TSHR: variants seen among roughly 807,000 people sequenced by gnomAD.
TSHR encodes thyrotropin receptor.
Under a neutral mutation model 64.1 loss-of-function variants are expected in TSHR, and 51 were observed. The ratio of observed to expected loss-of-function variants is 0.80; its 90% CI spans 0.64 to 1.01. The LOEUF (loss-of-function observed/expected upper bound fraction) is 1.01, where lower values mean the gene tolerates loss of function less well. Among genes scored for constraint, TSHR ranks in the 50% least tolerant of loss-of-function variants. The pLI is 0.00. For missense variants in TSHR, 877 were observed against 942.8 expected, an observed-to-expected ratio of 0.93 and a Z score of 0.91; for synonymous variants, 361 against 361.9, an observed-to-expected ratio of 1.00 and a Z score of 0.03.
At chr14:81,107,547 A>G (rs2140027926) in intron 7 of TSHR, among the ~76,000 whole-genome samples, 1 of 152,354 alleles carries the variant, frequency 6.6e-6, no homozygotes, top group South Asian at 2.1e-4. Flanking sequence ...TTTTATTTCA[A>G]AATCACTTTG....
chr14:80,998,441 G>C (rs1257039426), intron 1 of TSHR, among the ~76,000 whole-genome samples: 1 of 151,976 alleles, frequency 6.6e-6, no homozygotes. Flanking sequence ...TGTTTGGTGG[G>C]TGTTACAAAG....
chr14:81,098,981 C>G (rs968517299), intron 7 of TSHR, among the ~76,000 whole-genome samples: 1 of 152,134 alleles, frequency 6.6e-6, no homozygotes, highest in Non-Finnish European at 1.5e-5. Flanking sequence ...AGATATGACC[C>G]TCAGACACTA....
intron 1 of TSHR, among the ~76,000 whole-genome samples, chr14:81,056,875 A>G (rs370214851): frequency 3.0e-4 from 45 of 152,322 alleles, no homozygotes; most frequent in African/African-American, 1.0e-3. Context: ...ATTTGTAAAT[A>G]ATTTAGCAGC....
intron 1 of TSHR, among the ~76,000 whole-genome samples, chr14:81,026,680 A>C (rs1884071748): frequency 6.6e-6 from 1 of 152,250 alleles, no homozygotes; most frequent in East Asian, 1.9e-4. Flanking sequence ...AAAAAATGTT[A>C]AAAAAGGTAT....
In TSHR at chr14:81,103,579, A is replaced by G; in HGVS notation, c.615-4796A>G. The G allele has an allele frequency of 2.0e-6, 2 of 985,468 alleles. No homozygotes were observed. Among genetic ancestry groups the G allele is most frequent in the Non-Finnish European group, 2.4e-6 (2 of 829,930 alleles). 61.0% of individuals were successfully genotyped at this position (985,468 alleles called of 1,614,324 possible). A position where few individuals can be genotyped will look rare whatever the true frequency, so the allele number is the denominator to read the frequency against. ...CAGTCAAGCAATTAGTTAGGATTTC[A>G]TGAAAATGATGGCAGATGTGTAAAA... On this transcript the variant is annotated intron_variant, in intron 7 of 9. Coordinates refer to ENST00000298171, the MANE Select transcript of TSHR (RefSeq NM_000369.5). The surrounding 1 kb of genome is among the most constrained non-coding windows in gnomAD (Gnocchi z 4.1).
intron 1 of TSHR, among the ~76,000 whole-genome samples, chr14:80,968,579 C>A (rs1566741163): frequency 6.6e-6 from 1 of 152,152 alleles, no homozygotes; most frequent in Non-Finnish European, 1.5e-5. Flanking sequence ...CTCACCCTTG[C>A]CCAGCACTCT....
intron 3 of TSHR, among the ~76,000 whole-genome samples, chr14:81,069,631 A>C (rs1179865669): frequency 3.3e-5 from 5 of 152,190 alleles, no homozygotes; most frequent in Admixed American, 6.5e-5. Context: ...TAAAACTCTG[A>C]GTTCCGGGCT....
intron 1 of TSHR, among the ~76,000 whole-genome samples, chr14:81,055,008 AG>A (rs1449870793): frequency 6.6e-6 from 1 of 152,176 alleles, no homozygotes; most frequent in Non-Finnish European, 1.5e-5. Flanking sequence ...ACTTTGTGGC[AG>A]CCCCTTTCAT....
In TSHR at chr14:81,091,091, A is replaced by C; in HGVS notation, c.415A>C (p.Lys139Gln). 6.2e-7 allele frequency: 1 copy of C among 1,612,090 alleles called. No homozygotes were observed. The highest frequency in any genetic ancestry group is 8.5e-7 in the Non-Finnish European group (1 of 1,179,766). Residue 139 changes from lysine (K) to glutamine (Q), a missense_variant, in exon 5 of 10, where the codon AAA becomes CAA. Coordinates refer to ENST00000298171, the MANE Select transcript of TSHR (RefSeq NM_000369.5). ...TAGTGGCATTTTCAACACTGGACTT[A>C]AAATGTTCCCTGACCTGACCAAAGT... ...KFLGIFNTGL[K>Q]MFPDLTKVYS...
chr14:81,088,986 CTTTTT>C (rs60086198), intron 4 of TSHR, among the ~76,000 whole-genome samples: 1 of 125,750 alleles, frequency 8.0e-6, no homozygotes. Flanking sequence ...AAAATAGTTG[CTTTTT>C]TTTTTTTTTT....
intron 1 of TSHR, among the ~76,000 whole-genome samples, chr14:81,035,378 T>G (rs61978725): frequency 0.24 from 37,189 of 152,094 alleles, 4,672 homozygotes; most frequent in South Asian, 0.33. Flanking sequence ...ACTGGACAAG[T>G]CATGTGGTAA....
At chr14:81,057,859 C>T (rs1885936347) in intron 1 of TSHR, among the ~76,000 whole-genome samples, 1 of 152,210 alleles carries the variant, frequency 6.6e-6, no homozygotes, top group Admixed American at 6.5e-5. Context: ...ACAATTCAGA[C>T]ATGGTCATGA....
At chr14:81,065,600 G>A (rs577212639) in intron 2 of TSHR, among the ~76,000 whole-genome samples, 1 of 152,086 alleles carries the variant, frequency 6.6e-6, no homozygotes, top group Non-Finnish European at 1.5e-5. Flanking sequence ...AAGTGATAGG[G>A]GTCCCTGAAC....
At chr14:81,133,659 A>C (rs1439730407) in intron 8 of TSHR, among the ~76,000 whole-genome samples, 1 of 152,194 alleles carries the variant, frequency 6.6e-6, no homozygotes, top group African/African-American at 2.4e-5. Flanking sequence ...TCCCTAAACA[A>C]TTACCCTAAA....
intron 1 of TSHR, among the ~76,000 whole-genome samples, chr14:81,060,281 T>C (rs1024479273): frequency 6.6e-6 from 1 of 152,136 alleles, no homozygotes; most frequent in Admixed American, 6.6e-5. Flanking sequence ...GTGTGTATCT[T>C]TTGTTTTCCT....
rs1887350281 is a variant in TSHR, at chr14:80,967,052, A to C, written c.170+11202A>C. On this transcript the variant is annotated intron_variant, in intron 1 of 9. Transcript: ENST00000298171. ...GGATTTCAGCATATGAATTTGGGGG[A>C]CACACAAACATTCAGTCCATAACAG... Among the ~76,000 whole-genome samples the C allele has an allele frequency of 2.0e-5, 3 of 152,036 alleles. No homozygotes were observed. The South Asian group carries it at 6.2e-4, about 32-fold the overall frequency.
chr14:80,982,284 C>A, intron 1 of TSHR: 1 of 850,374 alleles, frequency 1.2e-6, no homozygotes, highest in Non-Finnish European at 1.8e-6. Context: ...CCACCAGCTC[C>A]ACATGTAAAA....
intron 1 of TSHR, among the ~76,000 whole-genome samples, chr14:81,024,398 G>A (rs11159481): frequency 3.3e-5 from 5 of 151,762 alleles, no homozygotes; most frequent in Non-Finnish European, 5.9e-5. Flanking sequence ...ACAGGTGCAC[G>A]CCACCATGCC....
chr14:81,094,979 T>C (rs1889056192), intron 6 of TSHR, among the ~76,000 whole-genome samples: 1 of 152,166 alleles, frequency 6.6e-6, no homozygotes, highest in Admixed American at 6.5e-5. Flanking sequence ...ATTCTCAGGA[T>C]CATCCAGCTA....
Sources: gnomAD v4.1 joint callset for allele counts (sites outside exome capture counted in the v4.1 genomes callset) on GRCh38, gnomAD v4.1.1 for gene constraint, Gnocchi (gnomAD v3.1) non-coding constraint, MANE v1.5 for transcripts, NCBI Gene and HGNC (gene_info 2026-07-23, HGNC 2026-07-21) for gene names.